AHR: variants seen among roughly 807,000 people sequenced by gnomAD.
AHR encodes the protein aryl hydrocarbon receptor.
A neutral mutation model predicts 86.8 loss-of-function variants in AHR; 40 were observed. The ratio of observed to expected loss-of-function variants is 0.46; its 90% CI spans 0.36 to 0.60. The LOEUF (loss-of-function observed/expected upper bound fraction) is 0.60. Ranked by LOEUF, AHR falls within the 20% of genes least tolerant of loss-of-function variation. The pLI is 0.00. For missense variants in AHR, 1,001 were observed against 1,011.6 expected (o/e 0.99, Z 0.14); for synonymous variants, 398 against 354.9 (o/e 1.12, Z -1.37).
At chr7:17,322,328 G>A (rs1161779128) in intron 2 of AHR, among the ~76,000 whole-genome samples, 173 bp from the exon 3 acceptor site, 1 of 151,950 alleles carries the variant, frequency 6.6e-6, no homozygotes, top group East Asian at 1.9e-4. Flanking sequence ...CTACCCACTG[G>A]CAACAGGATT....
In AHR at chr7:17,344,694, A is replaced by G. The variant is rs1190680507; in HGVS notation, c.*1630A>G. On this transcript the variant is annotated 3_prime_UTR_variant, in exon 11 of 11. Coordinates refer to ENST00000242057, the MANE Select transcript of AHR (RefSeq NM_001621.5). ...GCCCAAACTGGAGTGCAGTGGCACA[A>G]TCTTGGCTCACTGCAACCTCTACCT... 2.6e-5 allele frequency: 4 copies of G among 151,046 alleles called. No individual in the cohort carries two copies. The highest frequency in any genetic ancestry group is 2.1e-4 in the South Asian group (1 of 4,774). The allele number at this position is 151,046 out of a possible 1,614,324, so 9.4% of individuals were successfully genotyped here.
At chr7:17,336,057 T>C (rs1411444974) in intron 9 of AHR, 6 of 287,326 alleles carry the variant, frequency 2.1e-5, no homozygotes, top group Non-Finnish European at 2.5e-5. Flanking sequence ...CTAGTGTCAT[T>C]GGTAAAAAAG....
chr7:17,329,282 T>C (rs923472051), intron 4 of AHR, among the ~76,000 whole-genome samples: 2 of 152,068 alleles, frequency 1.3e-5, no homozygotes, highest in African/African-American at 4.8e-5. Flanking sequence ...CATGTAATAA[T>C]GGTAAGTGTT....
At chr7:17,302,775 C>A (rs1314864056) in intron 1 of AHR, among the ~76,000 whole-genome samples, 1 of 151,326 alleles carries the variant, frequency 6.6e-6, no homozygotes, top group Admixed American at 6.6e-5. Context: ...AGCACCTGTA[C>A]TGCTACTCTC....
rs956665979 is a variant in AHR at position 17,327,903 on chromosome 7, ATATT to A, written c.450+58_450+61del. 27 of 780,928 alleles carry A rather than the reference ATATT, an allele frequency of 3.5e-5. No homozygotes were observed. The African/African-American group carries it at 4.6e-4, about 13-fold the overall frequency. The allele number at this position is 780,928 out of a possible 1,614,324, so 48.4% of individuals were successfully genotyped here. A position where few individuals can be genotyped will look rare whatever the true frequency, so the allele number is the denominator to read the frequency against. On this transcript the variant is annotated intron_variant, in intron 4 of 10. Transcript: ENST00000242057. ...TTATTATATCATTTACTTTTTATAT[ATATT>A]TAGGACACAGTTGGCCATTTGTATG... is the stretch of plus-strand genomic sequence containing the variant.
chr7:17,318,940 C>G (rs560400394), intron 2 of AHR, among the ~76,000 whole-genome samples: 1 of 152,178 alleles, frequency 6.6e-6, no homozygotes, highest in East Asian at 1.9e-4. Flanking sequence ...TCATACAGGT[C>G]TTCATCCTCA....
chr7:17,310,428 G>A (rs1782050921), intron 2 of AHR, among the ~76,000 whole-genome samples: 1 of 150,670 alleles, frequency 6.6e-6, no homozygotes, highest in Admixed American at 6.6e-5. Flanking sequence ...ATATTTAAAA[G>A]TCTTTTTTAA....
At chr7:17,308,923 T>A (rs1782033696) in intron 1 of AHR, among the ~76,000 whole-genome samples, 1 of 152,202 alleles carries the variant, frequency 6.6e-6, no homozygotes, top group Admixed American at 6.5e-5. Context: ...ATTTGAATTG[T>A]CAAAAATGTC....
At chr7:17,314,657 G>A (rs918444224) in intron 2 of AHR, among the ~76,000 whole-genome samples, 2 of 151,960 alleles carry the variant, frequency 1.3e-5, no homozygotes, top group Non-Finnish European at 2.9e-5. Flanking sequence ...ACAAGTATAC[G>A]TACATGTGTA....
At chr7:17,319,807 G>A (rs73680656) in intron 2 of AHR, among the ~76,000 whole-genome samples, 1,706 of 152,120 alleles carry the variant, frequency 0.011, 42 homozygotes, top group African/African-American at 0.04. Flanking sequence ...CTTCATGCAG[G>A]GGTAGACATT....
Position 17,339,230 on chromosome 7 carries a change from C to G in AHR, c.1405C>G (p.Leu469Val). 6.2e-7 allele frequency: 1 copy of G among 1,614,196 alleles called. No homozygotes were observed. Among genetic ancestry groups the G allele is most frequent in the Non-Finnish European group, 8.5e-7 (1 of 1,180,016 alleles). ...AMMQQDESIY[L>V]YPASSTSSTA... ...GATGCAACAAGATGAGTCTATTTAT[C>G]TCTATCCTGCTTCAAGTACTTCAAG... Residue 469 changes from leucine to valine, a missense_variant, in exon 10 of 11, where the codon CTC (leucine) becomes GTC (valine). Physicochemically the swap from Leu to Val is conservative, Grantham distance 32. This residue lies in a region of AHR where 607 missense variants were observed against 543.1 expected (regional missense o/e 1.12). Transcript: ENST00000242057.
At chr7:17,327,164 TTAGG>T (rs1782238718) in intron 3 of AHR, among the ~76,000 whole-genome samples, 1 of 151,992 alleles carries the variant, frequency 6.6e-6, no homozygotes, top group African/African-American at 2.4e-5. Context: ...AATGATAAAT[TTAGG>T]TATGTGTTCA....
rs369895783 is a variant in AHR, at chr7:17,343,116, A to T, written c.*52A>T. ...TTTGGATTAAATTAGTTTGTGAAGG[A>T]TTATGGAAAAATAAAACTGTCACTG... On this transcript the variant is annotated 3_prime_UTR_variant, in exon 11 of 11. Coordinates refer to ENST00000242057, the MANE Select transcript of AHR (RefSeq NM_001621.5). 1.4e-5 allele frequency: 23 copies of T among 1,591,196 alleles called. No individual in the cohort carries two copies. The highest frequency in any genetic ancestry group is 2.2e-5 in the East Asian group (1 of 44,720).
chr7:17,324,127 A>G (rs1276698959), intron 3 of AHR, among the ~76,000 whole-genome samples: 1 of 152,206 alleles, frequency 6.6e-6, no homozygotes, highest in African/African-American at 2.4e-5. Flanking sequence ...ATTATATGGA[A>G]TATATATATT....
At chr7:17,332,231 A>T (rs1209981192) in intron 6 of AHR, among the ~76,000 whole-genome samples, 1 of 152,012 alleles carries the variant, frequency 6.6e-6, no homozygotes, top group Non-Finnish European at 1.5e-5. Flanking sequence ...ATACTTGAAA[A>T]TAAAACAATA....
rs1357244383 is a variant in AHR at position 17,327,766 on chromosome 7, A to G, written c.368A>G (p.Asn123Ser). 1 of 1,558,402 alleles carries G rather than the reference A, an allele frequency of 6.4e-7. No individual in the cohort carries two copies. Among genetic ancestry groups the G allele is most frequent in the Admixed American group, 1.7e-5 (1 of 58,402 alleles). Residue 123 changes from asparagine to serine, a missense_variant, in exon 4 of 11, where the codon AAT becomes AGT. By Grantham distance (46) the Asn-to-Ser change is conservative. Around this residue, in one of 2 missense-constraint regions of AHR, gnomAD observed 394 missense variants for 468.5 expected, o/e 0.84. Transcript: ENST00000242057. Reference sequence around the variant, plus strand: ...AACTTCCTTTCCTTGTAGGCTCTGAATGGCTTTGTATTAGTTGTCACTACA... The same window carrying G: ...AACTTCCTTTCCTTGTAGGCTCTGAGTGGCTTTGTATTAGTTGTCACTACA... ...QEGEFLLQAL[N>S]GFVLVVTTDA...
At chr7:17,320,298 T>TATTGGAGTGGAAAGAGAG (rs1782155485) in intron 2 of AHR, among the ~76,000 whole-genome samples, 1 of 152,038 alleles carries the variant, frequency 6.6e-6, no homozygotes, top group African/African-American at 2.4e-5. Flanking sequence ...ATACTCCCAG[T>TATTGGAGTGGAAAGAGAG]ACAAGCCCAA....
chr7:17,322,532 C>T lies in AHR; in HGVS notation c.285C>T (p.Asn95=), dbSNP rs761566317. ...TAAAATCCTCCCCTACTGAAAGAAACGGAGGCCAGGATAACTGTAGAGCAG... is the reference window on the plus strand; with the variant it reads ...TAAAATCCTCCCCTACTGAAAGAAATGGAGGCCAGGATAACTGTAGAGCAG... ...VALKSSPTER[N]GGQDNCRAAN... The change falls in exon 3 of 11, where the codon AAC becomes AAT. Residue 95 remains asparagine, a synonymous_variant. Coordinates refer to ENST00000242057, the MANE Select transcript of AHR (RefSeq NM_001621.5). 16 of 1,612,138 alleles carry T rather than the reference C, an allele frequency of 9.9e-6. No homozygotes were observed. The East Asian group carries it at 1.8e-4, about 18-fold the overall frequency.
Position 17,340,039 on chromosome 7 carries a change from T to C in AHR, c.2214T>C (p.Phe738=). ...PYPTTSSLED[F]VTCLQLPENQ... is the part of the protein sequence containing the mutation. ...CCACTACTTCTAGTTTAGAAGATTT[T>C]GTCACTTGTTTACAACTTCCTGAAA... Residue 738 remains phenylalanine (F), a synonymous_variant, in exon 10 of 11, where the codon TTT becomes TTC. Coordinates refer to ENST00000242057, the MANE Select transcript of AHR (RefSeq NM_001621.5). 1.9e-6 allele frequency: 3 copies of C among 1,614,234 alleles called. No individual in the cohort carries two copies. Among genetic ancestry groups the C allele is most frequent in the Non-Finnish European group, 8.5e-7 (1 of 1,180,034 alleles).
Sources: gnomAD v4.1 joint callset for allele counts (sites outside exome capture counted in the v4.1 genomes callset) on GRCh38, gnomAD v4.1.1 for gene constraint, gnomAD v4.1.1 regional missense constraint, MANE v1.5 for transcripts, NCBI Gene and HGNC (gene_info 2026-07-23, HGNC 2026-07-21) for gene names.